AEN: variants seen among roughly 807,000 people sequenced by gnomAD.
AEN encodes apoptosis enhancing nuclease, also known as apoptosis-enhancing nuclease.
In AEN, 21 loss-of-function variants were observed where a neutral mutation model predicts 17.7. That is an observed-to-expected ratio of 1.19 (90% confidence interval 0.84 to 1.71). The LOEUF is 1.71. Ranked by LOEUF, AEN falls within the 40% of genes most tolerant of loss-of-function variation. The pLI is 0.00. For synonymous variants in AEN, 190 were observed against 173.0 expected, an observed-to-expected ratio of 1.10 and a Z score of -0.77; for missense variants, 462 against 435.9, an observed-to-expected ratio of 1.06 and a Z score of -0.53.
intron 1 of AEN, among the ~76,000 whole-genome samples, chr15:88,625,574 A>G (rs981291892): frequency 6.6e-6 from 1 of 152,234 alleles, no homozygotes; most frequent in African/African-American, 2.4e-5. Context: ...ACAACTATTC[A>G]GTTACTGCGG....
upstream of AEN, among the ~76,000 whole-genome samples, chr15:88,621,141 T>C (rs1298422922): frequency 6.6e-6 from 1 of 152,218 alleles, no homozygotes; most frequent in Non-Finnish European, 1.5e-5. Flanking sequence ...CTCTTTAAAA[T>C]TTCCCGCCAG....
Position 88,630,149 on chromosome 15 carries a change from C to T in AEN, c.833C>T (p.Ala278Val), listed in dbSNP as rs1309743033. 6.2e-7 allele frequency: 1 copy of T among 1,613,726 alleles called. No homozygotes were observed. Among genetic ancestry groups the T allele is most frequent in the Non-Finnish European group, 8.5e-7 (1 of 1,180,010 alleles). Residue 278 changes from alanine to valine, a missense_variant, in exon 4 of 4, where the codon GCC becomes GTC. Physicochemically the swap from Ala to Val is moderately conservative, Grantham distance 64. Transcript: ENST00000332810. This position sits in a 1 kb window ranked among gnomAD's most constrained non-coding sequence, Gnocchi z 5.1. ...LVEVQWEQQE[A>V]RSLWTCPEDR... The stretch of plus-strand genomic sequence containing the variant: ...GAGGTGCAGTGGGAACAGCAGGAGG[C>T]CCGCAGCCTCTGGACCTGCCCCGAG...
In AEN at chr15:88,631,095, T is replaced by TCC; in HGVS notation, c.*804_*805dup. On this transcript the variant is annotated 3_prime_UTR_variant, in exon 4 of 4. Coordinates refer to ENST00000332810, the MANE Select transcript of AEN (RefSeq NM_022767.4). Reference sequence around the variant, plus strand: ...TTTATTTTGACCCAAATCAGGGATTTCCCCAGTCCACCCAGTACTGGGCTC... The same window carrying TCC: ...TTTATTTTGACCCAAATCAGGGATTTCCCCCCAGTCCACCCAGTACTGGGCTC... 2.2e-6 allele frequency: 1 copy of TCC among 456,350 alleles called. No individual in the cohort carries two copies. Among genetic ancestry groups the TCC allele is most frequent in the Non-Finnish European group, 4.4e-6 (1 of 226,672 alleles). 28.3% of individuals were successfully genotyped at this position (456,350 alleles called of 1,614,324 possible). A position where few individuals can be genotyped will look rare whatever the true frequency, so the allele number is the denominator to read the frequency against.
At chr15:88,621,010 GCCTTTGGTGGTA>G (rs2057779134), upstream of AEN, among the ~76,000 whole-genome samples, 2 of 152,166 alleles carry the variant, frequency 1.3e-5, no homozygotes, top group Admixed American at 6.5e-5. Context: ...AAGTCATTCG[GCCTTTGGTGGTA>G]CCAGGCTTAC....
At chr15:88,613,585 T>TG in the AEN span, among the ~76,000 whole-genome samples, 1,776 of 106,966 alleles carry the variant, frequency 0.017, 45 homozygotes, top group African/African-American at 0.051. Context: ...AACAAGCATC[T>TG]CGGGGGGGGA....
At chr15:88,620,837 C>T (rs904724744), upstream of AEN, among the ~76,000 whole-genome samples, 3 of 152,166 alleles carry the variant, frequency 2.0e-5, no homozygotes. Flanking sequence ...ACTTAGGAGT[C>T]AAGTGTTGCA....
At chr15:88,619,640 A>G (rs1353617413), upstream of AEN, among the ~76,000 whole-genome samples, 1 of 152,160 alleles carries the variant, frequency 6.6e-6, no homozygotes, top group Non-Finnish European at 1.5e-5. Context: ...GTGAGCCGAG[A>G]TTGTGCCACT....
the AEN span, among the ~76,000 whole-genome samples, chr15:88,612,961 C>G: frequency 6.6e-6 from 1 of 152,088 alleles, no homozygotes; most frequent in African/African-American, 2.4e-5. Context: ...AGGTGAGCAC[C>G]AAGTTACAGT....
chr15:88,620,387 G>A (rs1251791802), upstream of AEN, among the ~76,000 whole-genome samples: 1 of 151,920 alleles, frequency 6.6e-6, no homozygotes, highest in Non-Finnish European at 1.5e-5. Context: ...TATTACTCAT[G>A]TTACACTGAA....
the AEN span, among the ~76,000 whole-genome samples, chr15:88,613,587 G>A: frequency 2.2e-5 from 2 of 90,274 alleles, no homozygotes; most frequent in African/African-American, 6.3e-5. Flanking sequence ...CAAGCATCTC[G>A]GGGGGGGATG....
rs78102484 is a variant in AEN, at chr15:88,631,129, A to G, written c.*835A>G. On this transcript the variant is annotated 3_prime_UTR_variant, in exon 4 of 4. Coordinates refer to ENST00000332810, the MANE Select transcript of AEN (RefSeq NM_022767.4). ...CACCCAGTACTGGGCTCTTAAGCAA[A>G]AGTCTGAGAAACAAGACAGTGGTTT... 3.1e-3 allele frequency: 1,394 copies of G among 456,630 alleles called. 15 individuals are homozygous for G. The highest frequency in any genetic ancestry group is 0.025 in the African/African-American group (1,271 of 50,166). The allele number at this position is 456,630 out of a possible 1,614,324, so 28.3% of individuals were successfully genotyped here.
chr15:88,605,860 G>T, the AEN span, among the ~76,000 whole-genome samples: 1 of 152,236 alleles, frequency 6.6e-6, no homozygotes, highest in Admixed American at 6.5e-5. This position sits in a 1 kb window ranked among gnomAD's most constrained non-coding sequence, Gnocchi z 7.6. Context: ...GCCCATGGTC[G>T]GTGCCTGCGC....
chr15:88,622,574 C>G (rs998050248), intron 1 of AEN, among the ~76,000 whole-genome samples: 2 of 152,180 alleles, frequency 1.3e-5, no homozygotes, highest in Admixed American at 6.5e-5. Context: ...ATTGAGCAAT[C>G]TAGGGGGTAT....
At chr15:88,629,048 G>A in intron 2 of AEN, 178 bp from the exon 3 acceptor site, 1 of 631,784 alleles carries the variant, frequency 1.6e-6, no homozygotes, top group South Asian at 1.9e-5. Context: ...GACAGTAGAA[G>A]GGTCTGGGTT....
At chr15:88,629,638 G>T (rs576330664) in intron 3 of AEN, among the ~76,000 whole-genome samples, 49 of 152,226 alleles carry the variant, frequency 3.2e-4, no homozygotes, top group African/African-American at 1.1e-3. Context: ...TGTGTACTGC[G>T]ATTCTCCCAG....
At chr15:88,608,286 G>T in the AEN span, 1 of 378,768 alleles carries the variant, frequency 2.6e-6, no homozygotes. Context: ...CTCAGGATCT[G>T]GAATTGACTT....
At chr15:88,611,223 G>T in the AEN span, among the ~76,000 whole-genome samples, 4 of 152,014 alleles carry the variant, frequency 2.6e-5, no homozygotes, top group Admixed American at 6.6e-5. Flanking sequence ...GTGGTTCAAT[G>T]CTTTATGATT....
the AEN span, among the ~76,000 whole-genome samples, chr15:88,615,250 A>G: frequency 6.6e-6 from 1 of 152,156 alleles, no homozygotes; most frequent in South Asian, 2.1e-4. Flanking sequence ...AGGGAACTCT[A>G]GTCTAGAATG....
chr15:88,614,491 C>A, the AEN span, among the ~76,000 whole-genome samples: 1 of 152,180 alleles, frequency 6.6e-6, no homozygotes, highest in Non-Finnish European at 1.5e-5. Context: ...TAAGTCACAG[C>A]GCCTGGCCCT....
Sources: gnomAD v4.1 joint callset for allele counts (sites outside exome capture counted in the v4.1 genomes callset) on GRCh38, gnomAD v4.1.1 for gene constraint, Gnocchi (gnomAD v3.1) non-coding constraint, MANE v1.5 for transcripts, NCBI Gene and HGNC (gene_info 2026-07-23, HGNC 2026-07-21) for gene names.